The following TPTE2 variants were observed in gnomAD, a reference collection of about 807,000 sequenced individuals.
TPTE2 encodes the protein transmembrane phosphoinositide 3-phosphatase and tensin homolog 2, also known as phosphatidylinositol 3,4,5-trisphosphate 3-phosphatase TPTE2.
A neutral mutation model predicts 78.6 loss-of-function variants in TPTE2; 53 were observed. The ratio of observed to expected loss-of-function variants is 0.67; its 90% CI spans 0.54 to 0.85. TPTE2 has a LOEUF of 0.85. Among genes scored for constraint, TPTE2 ranks in the 40% least tolerant of loss-of-function variants. The probability of loss-of-function intolerance (pLI) is 0.00; values close to 1 mark genes in which losing one functional copy is unlikely to be tolerated. For synonymous variants in TPTE2, 175 were observed against 206.2 expected, an observed-to-expected ratio of 0.85 and a Z score of 1.30; for missense variants, 461 against 623.0, an observed-to-expected ratio of 0.74 and a Z score of 2.77.
At chr13:19,543,370 T>G in the TPTE2 span, among the ~76,000 whole-genome samples, 1 of 110,048 alleles carries the variant, frequency 9.1e-6, no homozygotes, top group African/African-American at 2.6e-5. Context: ...TTTTTTTTTT[T>G]TCTTAAGAGA....
At chr13:19,519,010 C>T (rs1380870839) in intron 1 of TPTE2, among the ~76,000 whole-genome samples, 1 of 152,060 alleles carries the variant, frequency 6.6e-6, no homozygotes, top group Non-Finnish European at 1.5e-5. Flanking sequence ...GTTGGAGTCC[C>T]GTCTTGGGGG....
chr13:19,438,109 T>C (rs1417253274), exon 14 of TPTE2: 1 of 1,607,790 alleles, frequency 6.2e-7, no homozygotes, highest in East Asian at 2.2e-5. Flanking sequence ...GTTAAAAATA[T>C]TTCGGAGGCA....
At chr13:19,502,241 G>A (rs889500008) in intron 1 of TPTE2, among the ~76,000 whole-genome samples, 12 of 145,092 alleles carry the variant, frequency 8.3e-5, no homozygotes, top group African/African-American at 2.6e-4. Context: ...TCAGTGTGGC[G>A]ATTCCTCAGG....
At chr13:19,479,740 G>A (rs954876919) in intron 4 of TPTE2, among the ~76,000 whole-genome samples, 4 of 152,070 alleles carry the variant, frequency 2.6e-5, no homozygotes, top group Non-Finnish European at 5.9e-5. Context: ...AAGGTGGGCG[G>A]ATCATGAGGT....
Position 19,425,034 on chromosome 13 carries a change from T to A in TPTE2, c.1396-17A>T, listed in dbSNP as rs778477865. 20 of 1,394,240 alleles carry A rather than the reference T, an allele frequency of 1.4e-5. No individual in the cohort carries two copies. The highest frequency in any genetic ancestry group is 2.3e-5 in the East Asian group (1 of 42,642). 86.4% of individuals were successfully genotyped at this position (1,394,240 alleles called of 1,614,324 possible). ...AGGAAGATTCTAAAAAGAAAAAAAA[T>A]TTCAAAGTAAAACTGACACCAGGAA... On this transcript the variant is annotated splice_polypyrimidine_tract_variant and intron_variant, in intron 18 of 19. Coordinates refer to ENST00000400230, the Ensembl canonical transcript of TPTE2.
intron 4 of TPTE2, among the ~76,000 whole-genome samples, chr13:19,482,053 G>A (rs1566059265): frequency 6.6e-6 from 1 of 151,962 alleles, no homozygotes; most frequent in African/African-American, 2.4e-5. Flanking sequence ...ATCCCAATGA[G>A]CATAAAGAGG....
intron 1 of TPTE2, among the ~76,000 whole-genome samples, chr13:19,529,270 C>T (rs1192600517): frequency 1.3e-5 from 2 of 152,094 alleles, no homozygotes; most frequent in Admixed American, 6.5e-5. Flanking sequence ...TGGGCCCCTG[C>T]CCTAAGCCTG....
intron 11 of TPTE2, 95 bp downstream of exon 14, chr13:19,451,070 T>TA: frequency 6.9e-7 from 1 of 1,455,778 alleles, no homozygotes; most frequent in Non-Finnish European, 9.4e-7. Context: ...ACCAAATACT[T>TA]ATGATTAAAT....
At chr13:19,481,027 T>A (rs557730085) in intron 4 of TPTE2, among the ~76,000 whole-genome samples, 1 of 152,328 alleles carries the variant, frequency 6.6e-6, no homozygotes, top group Admixed American at 6.5e-5. Flanking sequence ...TAAGTGCACA[T>A]GAATATATAT....
At chr13:19,545,793 G>C in the TPTE2 span, among the ~76,000 whole-genome samples, 1 of 152,300 alleles carries the variant, frequency 6.6e-6, no homozygotes, top group South Asian at 2.1e-4. Context: ...TTTTAAGAAA[G>C]TGTCTAACAC....
intron 13 of TPTE2, among the ~76,000 whole-genome samples, chr13:19,440,687 T>C (rs1404589858): frequency 6.6e-6 from 1 of 152,144 alleles, no homozygotes; most frequent in Non-Finnish European, 1.5e-5. Flanking sequence ...GGAGAATCGC[T>C]TGAACCCAGG....
At chr13:19,475,031 T>C (rs61956987) in intron 5 of TPTE2, among the ~76,000 whole-genome samples, 14,527 of 152,156 alleles carry the variant, frequency 0.095, 754 homozygotes, top group Middle Eastern at 0.19. Flanking sequence ...GCAAAAGCCA[T>C]TTATTTGCAA....
chr13:19,450,078 T>G (rs1878078305), exon 13 of TPTE2: 1 of 1,610,880 alleles, frequency 6.2e-7, no homozygotes, highest in Admixed American at 1.7e-5. Flanking sequence ...GTTATTACCT[T>G]TGCCTCCTTT....
chr13:19,561,487 G>C, the TPTE2 span, among the ~76,000 whole-genome samples: 5 of 152,142 alleles, frequency 3.3e-5, no homozygotes, highest in East Asian at 9.7e-4. Flanking sequence ...CGACGCCCGC[G>C]GGAGACCGCT....
chr13:19,513,715 A>C (rs1041686779), intron 1 of TPTE2, among the ~76,000 whole-genome samples: 2 of 152,176 alleles, frequency 1.3e-5, no homozygotes, highest in African/African-American at 4.8e-5. Flanking sequence ...TGGTAATAAA[A>C]ATTGTTTAGG....
At chr13:19,473,796 A>C (rs1412340027) in intron 6 of TPTE2, 118 bp downstream of exon 9, 5 of 879,760 alleles carry the variant, frequency 5.7e-6, no homozygotes, top group South Asian at 2.6e-5. Flanking sequence ...GGGTTTCACC[A>C]TGTTGGCCAG....
At chr13:19,467,674 C>T (rs1018080503) in intron 6 of TPTE2, among the ~76,000 whole-genome samples, 16 of 152,174 alleles carry the variant, frequency 1.1e-4, no homozygotes, top group African/African-American at 3.9e-4. Flanking sequence ...TTATCATTCA[C>T]GTTACAAACA....
chr13:19,561,399 G>A, the TPTE2 span: 1 of 444,982 alleles, frequency 2.2e-6, no homozygotes, highest in Non-Finnish European at 3.9e-6. Flanking sequence ...GCCACCTCCC[G>A]GGGCGCCGCG....
In TPTE2 at chr13:19,446,364, T is replaced by C. The variant is rs540826146; in HGVS notation, c.973+3712A>G. On this transcript the variant is annotated intron_variant, in intron 13 of 19. Transcript: ENST00000400230. ...ACTTAGGAACAGTCTTGAATATTTA[T>C]AGAAACTTGGTATATTACTGAGAGG... Among the ~76,000 whole-genome samples, 327 of 152,314 alleles carry C rather than the reference T, an allele frequency of 2.1e-3. 1 individual carries two copies. Among genetic ancestry groups the C allele is most frequent in the Non-Finnish European group, 3.8e-3 (258 of 68,032 alleles).
Sources: gnomAD v4.1 joint callset for allele counts (sites outside exome capture counted in the v4.1 genomes callset) on GRCh38, gnomAD v4.1.1 for gene constraint, MANE v1.5 for transcripts, NCBI Gene and HGNC (gene_info 2026-07-23, HGNC 2026-07-21) for gene names.